The following MREG variants were observed in gnomAD, a reference collection of about 807,000 sequenced individuals.
MREG encodes the protein melanoregulin.
MREG carries 31 observed loss-of-function variants against 28.5 expected under a neutral mutation model. That is an observed-to-expected ratio of 1.09 (90% CI 0.82 to 1.47). The LOEUF (loss-of-function observed/expected upper bound fraction) is 1.47, where lower values mean the gene tolerates loss of function less well. Ranked by LOEUF, MREG falls within the 40% of genes most tolerant of loss-of-function variation. The probability of loss-of-function intolerance (pLI) is 0.00; values close to 1 mark genes in which losing one functional copy is unlikely to be tolerated. For synonymous variants in MREG, 106 were observed against 95.2 expected, an observed-to-expected ratio of 1.11 and a Z score of -0.66; for missense variants, 256 against 257.4, an observed-to-expected ratio of 0.99 and a Z score of 0.04.
rs1288861522 is a variant in MREG, at chr2:215,998,320, A to AT, written c.96-1856_96-1855insA. ...AACTCCATCTCACAAAAAAAAAAAA[A>AT]AATAATAATAATAATAATAATAATA... On this transcript the variant is annotated intron_variant, in intron 1 of 4. Transcript: ENST00000263268. Among the ~76,000 whole-genome samples the AT allele has an allele frequency of 7.9e-3, 1,099 of 138,852 alleles. 12 individuals are homozygous for AT. The highest frequency in any genetic ancestry group is 0.02 in the African/African-American group (746 of 36,944). The allele number at this position is 138,852 out of a possible 152,430, so 91.1% of individuals were successfully genotyped here.
Position 215,943,822 on chromosome 2 carries a change from C to G in MREG, c.*1041G>C, listed in dbSNP as rs973423530. The G allele has an allele frequency of 1.0e-5, 1 of 96,554 alleles. No individual in the cohort carries two copies. Among genetic ancestry groups the G allele is most frequent in the Non-Finnish European group, 1.8e-5 (1 of 55,078 alleles). 6.0% of individuals were successfully genotyped at this position (96,554 alleles called of 1,614,324 possible). A position where few individuals can be genotyped will look rare whatever the true frequency, so the allele number is the denominator to read the frequency against. On this transcript the variant is annotated 3_prime_UTR_variant, in exon 5 of 5. Transcript: ENST00000263268. ...CACCACTGTACTCCAGCCTGGGCGA[C>G]AGAGCGAGAGTCCATCAAAAAAAAA...
chr2:215,993,026 G>A (rs1299690895), intron 2 of MREG, among the ~76,000 whole-genome samples: 11 of 152,124 alleles, frequency 7.2e-5, no homozygotes, highest in Admixed American at 7.2e-4. Context: ...TCCCCATCAA[G>A]CTACCACTGA....
At chr2:215,969,529 T>C (rs1187605857) in intron 2 of MREG, among the ~76,000 whole-genome samples, 1 of 152,204 alleles carries the variant, frequency 6.6e-6, no homozygotes, top group African/African-American at 2.4e-5. Context: ...CCCGTTTCCA[T>C]ATTGTAAGGC....
intron 2 of MREG, among the ~76,000 whole-genome samples, chr2:215,956,828 C>T (rs1243752468): frequency 1.3e-5 from 2 of 152,132 alleles, no homozygotes; most frequent in East Asian, 1.9e-4. Flanking sequence ...GGATGAGCCA[C>T]CATACATGGT....
rs1426050478 is a variant in MREG, at chr2:215,942,973, T to C, written c.*1890A>G. The stretch of plus-strand genomic sequence containing the variant: ...GCTTGCTTATTAAACTAGGAAGAAT[T>C]TTCCTGAAACACAGCAGTTAAATTG... On this transcript the variant is annotated 3_prime_UTR_variant, in exon 5 of 5. Transcript: ENST00000263268. 1.3e-5 allele frequency: 2 copies of C among 152,732 alleles called. No individual in the cohort carries two copies. Among genetic ancestry groups the C allele is most frequent in the Admixed American group, 1.3e-4 (2 of 15,280 alleles). 9.5% of individuals were successfully genotyped at this position (152,732 alleles called of 1,614,324 possible).
chr2:215,956,525 C>T (rs1386935608), intron 2 of MREG, among the ~76,000 whole-genome samples: 2 of 151,920 alleles, frequency 1.3e-5, no homozygotes, highest in Non-Finnish European at 2.9e-5. Flanking sequence ...TTTTATAGTA[C>T]ATTTCTTTTG....
chr2:215,974,486 C>T (rs1472929689), intron 2 of MREG, among the ~76,000 whole-genome samples: 2 of 152,088 alleles, frequency 1.3e-5, no homozygotes, highest in South Asian at 2.1e-4. Flanking sequence ...GGTTCCACTG[C>T]GTCTGTATCT....
At chr2:215,986,036 C>T (rs893132428) in intron 2 of MREG, among the ~76,000 whole-genome samples, 26 of 152,256 alleles carry the variant, frequency 1.7e-4, no homozygotes, top group South Asian at 1.0e-3. Flanking sequence ...CCCTCTTTCA[C>T]CTTCTAAATC....
chr2:216,033,462 A>G (rs1241851818), upstream of MREG, among the ~76,000 whole-genome samples: 1 of 152,114 alleles, frequency 6.6e-6, no homozygotes, highest in Non-Finnish European at 1.5e-5. Flanking sequence ...TACTTCATGG[A>G]AAGAGAGAAT....
chr2:216,031,549 AAG>A (rs2105935553), intron 1 of MREG, among the ~76,000 whole-genome samples: 1 of 148,996 alleles, frequency 6.7e-6, no homozygotes, highest in Non-Finnish European at 1.5e-5. Context: ...GAAGGAAGGA[AAG>A]AGGGAGGGAG....
At chr2:215,966,065 T>G (rs1465804944) in intron 2 of MREG, among the ~76,000 whole-genome samples, 3 of 151,956 alleles carry the variant, frequency 2.0e-5, no homozygotes, top group Non-Finnish European at 2.9e-5. Flanking sequence ...TCAAATGGAG[T>G]TCTTTTAAAA....
In MREG at chr2:215,997,072, C is replaced by T. The variant is rs536418107; in HGVS notation, c.96-607G>A. Among the ~76,000 whole-genome samples, 6 of 152,212 alleles carry T rather than the reference C, an allele frequency of 3.9e-5. No individual in the cohort carries two copies. The South Asian group carries it at 6.2e-4, about 16-fold the overall frequency. Reference sequence around the variant, plus strand: ...CTGGGATTATAGGTGTGAGCCACCGCGCCCAGCCAGGAATAGAATTCTTGT... The same window carrying T: ...CTGGGATTATAGGTGTGAGCCACCGTGCCCAGCCAGGAATAGAATTCTTGT... On this transcript the variant is annotated intron_variant, in intron 1 of 4. Coordinates refer to ENST00000263268, the MANE Select transcript of MREG (RefSeq NM_018000.3).
At chr2:216,027,174 A>G (rs115040040) in intron 1 of MREG, among the ~76,000 whole-genome samples, 1,683 of 152,332 alleles carry the variant, frequency 0.011, 26 homozygotes, top group African/African-American at 0.037. Context: ...TTATTGGTAA[A>G]ATGTGAACGG....
intron 2 of MREG, among the ~76,000 whole-genome samples, chr2:215,957,363 G>A (rs1692651937): frequency 6.6e-6 from 1 of 152,134 alleles, no homozygotes; most frequent in Admixed American, 6.5e-5. Flanking sequence ...GGGTACTTCA[G>A]TGCTCCTCTT....
intron 1 of MREG, among the ~76,000 whole-genome samples, chr2:216,028,031 C>G (rs6435931): frequency 0.69 from 105,228 of 152,162 alleles, 36,704 homozygotes; most frequent in African/African-American, 0.76. Context: ...AGTTACTTCA[C>G]AAGGAAAATT....
intron 1 of MREG, among the ~76,000 whole-genome samples, chr2:216,019,184 A>T (rs1019174679): frequency 2.0e-5 from 3 of 151,506 alleles, no homozygotes; most frequent in East Asian, 3.9e-4. Flanking sequence ...ATCAATACTA[A>T]TTTTTTTTTC....
At chr2:215,953,959 G>C (rs1378320775) in intron 2 of MREG, among the ~76,000 whole-genome samples, 2 of 152,206 alleles carry the variant, frequency 1.3e-5, no homozygotes. Flanking sequence ...GCTTACAGTG[G>C]ATGCAGTGTT....
chr2:216,018,937 CCAAT>C (rs1181131202), intron 1 of MREG, among the ~76,000 whole-genome samples: 2 of 152,138 alleles, frequency 1.3e-5, no homozygotes, highest in Non-Finnish European at 2.9e-5. Context: ...CCAAGATGAG[CCAAT>C]CAAACACTCT....
intron 2 of MREG, among the ~76,000 whole-genome samples, chr2:215,967,072 G>A (rs541747829): frequency 1.0e-3 from 159 of 152,288 alleles, no homozygotes; most frequent in African/African-American, 3.7e-3. Context: ...AAGCAGTCCT[G>A]GGATTGTCTG....
Sources: allele counts gnomAD v4.1 joint callset (sites outside exome capture counted in the v4.1 genomes callset), GRCh38; gene constraint gnomAD v4.1.1; transcripts MANE v1.5; gene names NCBI Gene and HGNC (gene_info 2026-07-23, HGNC 2026-07-21).